Variants in GABRG3 observed in about 807,000 individuals in gnomAD.
The protein encoded by GABRG3 is gamma-aminobutyric acid receptor subunit gamma-3.
A neutral mutation model predicts 48.8 loss-of-function variants in GABRG3; 25 were observed. The observed-to-expected ratio is 0.51, with a 90% CI of 0.37 to 0.72. GABRG3 has a LOEUF of 0.72. Among genes scored for constraint, GABRG3 ranks in the 30% least tolerant of loss-of-function variants. The probability of loss-of-function intolerance (pLI) is 0.00; values close to 1 mark genes in which losing one functional copy is unlikely to be tolerated. For missense variants in GABRG3, 394 were observed against 577.9 expected, an observed-to-expected ratio of 0.68 and a Z score of 3.26; for synonymous variants, 227 against 217.6, an observed-to-expected ratio of 1.04 and a Z score of -0.38.
chr15:27,197,067 C>T (rs891667984), intron 3 of GABRG3, among the ~76,000 whole-genome samples: 4 of 152,158 alleles, frequency 2.6e-5, no homozygotes, highest in South Asian at 2.1e-4. Context: ...ATGGATAGAA[C>T]GATCCTTCTC....
At chr15:27,436,955 C>T (rs185256833) in intron 5 of GABRG3, among the ~76,000 whole-genome samples, 1 of 147,166 alleles carries the variant, frequency 6.8e-6, no homozygotes, top group African/African-American at 2.6e-5. Context: ...ATGATAATGC[C>T]ACTGCACTCC....
chr15:27,196,804 G>A (rs1173654077), intron 3 of GABRG3, among the ~76,000 whole-genome samples: 2 of 152,156 alleles, frequency 1.3e-5, no homozygotes, highest in East Asian at 3.9e-4. Flanking sequence ...CCTGAAATAT[G>A]GGCAGTAGCC....
At chr15:27,301,200 T>TA (rs1892194419) in intron 3 of GABRG3, among the ~76,000 whole-genome samples, 1 of 152,170 alleles carries the variant, frequency 6.6e-6, no homozygotes, top group Non-Finnish European at 1.5e-5. Context: ...AATGTGATGC[T>TA]AAAGAAAATT....
intron 3 of GABRG3, among the ~76,000 whole-genome samples, chr15:27,284,491 A>G (rs527569230): frequency 6.6e-6 from 1 of 152,310 alleles, no homozygotes; most frequent in South Asian, 2.1e-4. Context: ...TGTAACCTAC[A>G]TTTCTGTGTC....
chr15:27,003,648 C>T (rs1458788223), intron 2 of GABRG3, among the ~76,000 whole-genome samples: 5 of 152,164 alleles, frequency 3.3e-5, no homozygotes, highest in Non-Finnish European at 7.3e-5. Flanking sequence ...GGCAACCATC[C>T]GATTTCTCAA....
chr15:26,992,352 T>C (rs1429993052), intron 2 of GABRG3, among the ~76,000 whole-genome samples: 1 of 152,242 alleles, frequency 6.6e-6, no homozygotes, highest in African/African-American at 2.4e-5. Flanking sequence ...TTCAATATGA[T>C]ACTAGCTGTG....
chr15:27,198,811 C>T (rs1248603042), intron 3 of GABRG3, among the ~76,000 whole-genome samples: 1 of 152,162 alleles, frequency 6.6e-6, no homozygotes, highest in Non-Finnish European at 1.5e-5. Flanking sequence ...GAATACTGTG[C>T]AGCTATAAAA....
chr15:27,217,818 C>CCCT (rs563389414), intron 3 of GABRG3, among the ~76,000 whole-genome samples: 58 of 152,128 alleles, frequency 3.8e-4, no homozygotes, highest in Non-Finnish European at 6.0e-4. Context: ...GTGGGCACAC[C>CCCT]CTGAGGTTAG....
At chr15:27,363,508 G>A (rs1895089865) in intron 5 of GABRG3, 1 of 152,238 alleles carries the variant, frequency 6.6e-6, no homozygotes, top group Non-Finnish European at 1.5e-5. Context: ...AATGGACTGA[G>A]TTGGTGGGCC....
chr15:27,169,283 A>G (rs900274643), intron 3 of GABRG3, among the ~76,000 whole-genome samples: 2 of 152,176 alleles, frequency 1.3e-5, no homozygotes, highest in African/African-American at 4.8e-5. Flanking sequence ...ACCTGGAGGA[A>G]TATCATGAGT....
At chr15:27,427,272 C>G (rs1023648716) in intron 5 of GABRG3, among the ~76,000 whole-genome samples, 1 of 152,102 alleles carries the variant, frequency 6.6e-6, no homozygotes, top group African/African-American at 2.4e-5. Flanking sequence ...CTTATCTGAT[C>G]TTAAAAAATT....
Position 27,319,292 on chromosome 15 carries a change from G to A in GABRG3, c.271-7517G>A, listed in dbSNP as rs1454690923. On this transcript the variant is annotated intron_variant, in intron 3 of 9. Coordinates refer to ENST00000615808, the MANE Select transcript of GABRG3 (RefSeq NM_033223.5). This position sits in a 1 kb window ranked among gnomAD's most constrained non-coding sequence, Gnocchi z 4.4. The stretch of plus-strand genomic sequence containing the variant: ...ACTGCTCTCTTGATGATGTGGATGG[G>A]TGGCTCTTCTTAGTTCCTATCTGTA... Among the ~76,000 whole-genome samples, 1 of 152,186 alleles carries A rather than the reference G, an allele frequency of 6.6e-6. No individual in the cohort carries two copies. The highest frequency in any genetic ancestry group is 2.1e-4 in the South Asian group (1 of 4,826).
rs908365288 is a variant in GABRG3 at position 27,425,471 on chromosome 15, C to T, written c.575-55179C>T. Among the ~76,000 whole-genome samples, 26 of 140,404 alleles carry T rather than the reference C, an allele frequency of 1.9e-4. 1 individual carries two copies. Among genetic ancestry groups the T allele is most frequent in the Admixed American group, 1.3e-3 (18 of 14,092 alleles). The allele number at this position is 140,404 out of a possible 152,430, so 92.1% of individuals were successfully genotyped here. A position where few individuals can be genotyped will look rare whatever the true frequency, so the allele number is the denominator to read the frequency against. ...TACAAAAAAAAAAAAAAAAAATAGG[C>T]GTGGTGGTGGGCGCCTGTAGTCCCA... On this transcript the variant is annotated intron_variant, in intron 5 of 9. Transcript: ENST00000615808.
intron 3 of GABRG3, among the ~76,000 whole-genome samples, chr15:27,232,176 TA>T (rs1889820181): frequency 1.3e-5 from 2 of 152,194 alleles, no homozygotes; most frequent in Non-Finnish European, 2.9e-5. Context: ...TATAATGGAG[TA>T]AAATTCAATT....
At chr15:27,328,992 C>A in intron 5 of GABRG3, 104 bp downstream of exon 5, 1 of 952,968 alleles carries the variant, frequency 1.0e-6, no homozygotes, top group Non-Finnish European at 1.7e-6. Flanking sequence ...TGTCCCTGCA[C>A]ACACAGAGAA....
chr15:27,099,812 A>G (rs903836941), intron 3 of GABRG3, among the ~76,000 whole-genome samples: 1 of 152,196 alleles, frequency 6.6e-6, no homozygotes, highest in South Asian at 2.1e-4. Flanking sequence ...ACCACCAATC[A>G]TCAATATTAG....
At chr15:27,044,625 A>T (rs1444790065) in intron 3 of GABRG3, among the ~76,000 whole-genome samples, 1 of 152,274 alleles carries the variant, frequency 6.6e-6, no homozygotes, top group African/African-American at 2.4e-5. Context: ...AATTAAATTA[A>T]CAGAGTTTAA....
intron 3 of GABRG3, among the ~76,000 whole-genome samples, chr15:27,067,295 C>G (rs1365020792): frequency 6.6e-6 from 1 of 152,214 alleles, no homozygotes; most frequent in African/African-American, 2.4e-5. Context: ...GTCTGTGTTT[C>G]ACTACGCAGC....
intron 5 of GABRG3, among the ~76,000 whole-genome samples, chr15:27,348,512 G>T (rs1360564732): frequency 6.6e-6 from 1 of 152,144 alleles, no homozygotes; most frequent in Admixed American, 6.6e-5. Context: ...GGGATACTGA[G>T]GTTCAGGGTA....
Sources: gnomAD v4.1 joint callset for allele counts (sites outside exome capture counted in the v4.1 genomes callset) on GRCh38, gnomAD v4.1.1 for gene constraint, Gnocchi (gnomAD v3.1) non-coding constraint, MANE v1.5 for transcripts, NCBI Gene and HGNC (gene_info 2026-07-23, HGNC 2026-07-21) for gene names.